Variants in UGT8 observed in about 807,000 individuals in gnomAD.
The protein encoded by UGT8 is UDP glycosyltransferase 8, also known as 2-hydroxyacylsphingosine 1-beta-galactosyltransferase.
In UGT8, 12 loss-of-function variants were observed where a neutral mutation model predicts 40.5. The ratio of observed to expected loss-of-function variants is 0.30; its 90% confidence interval spans 0.19 to 0.48. The LOEUF is 0.48. Ranked by LOEUF, UGT8 falls within the 20% of genes least tolerant of loss-of-function variation. The pLI is 0.99. For missense variants in UGT8, 513 were observed against 648.7 expected (o/e 0.79, Z 2.27); for synonymous variants, 224 against 240.4 (o/e 0.93, Z 0.63).
chr4:114,626,684 G>A (rs1732242548), intron 2 of UGT8, among the ~76,000 whole-genome samples: 1 of 152,198 alleles, frequency 6.6e-6, no homozygotes, highest in South Asian at 2.1e-4. Context: ...CAGATAGTCT[G>A]TGGCAAAGTC....
intron 2 of UGT8, among the ~76,000 whole-genome samples, chr4:114,625,849 C>A (rs112947406): frequency 0.017 from 2,514 of 152,124 alleles, 73 homozygotes; most frequent in African/African-American, 0.057. Context: ...CTTTAATTTG[C>A]CATAATTTCT....
At chr4:114,605,724 A>G (rs1730690117) in intron 1 of UGT8, among the ~76,000 whole-genome samples, 1 of 152,166 alleles carries the variant, frequency 6.6e-6, no homozygotes, top group South Asian at 2.1e-4. Context: ...GTGTGCAAAT[A>G]TGCTATATGT....
rs1370848456 is a variant in UGT8, at chr4:114,623,628, T to C, written c.748T>C (p.Phe250Leu). The part of the protein sequence containing the change: ...WMLCTDVALE[F>L]PRPTLPNVVY... ...GCTGTGTACTGACGTAGCACTGGAA[T>C]TCCCAAGACCCACTCTGCCTAATGT... The change falls in exon 2 of 6, where the codon TTC becomes CTC. Residue 250 changes from phenylalanine to leucine, a missense_variant. By Grantham distance (22) the Phe-to-Leu change is conservative. Transcript: ENST00000310836. 1 of 1,614,098 alleles carries C rather than the reference T, an allele frequency of 6.2e-7. No individual in the cohort carries two copies. Among genetic ancestry groups the C allele is most frequent in the East Asian group, 2.2e-5 (1 of 44,872 alleles).
intron 1 of UGT8, among the ~76,000 whole-genome samples, chr4:114,612,883 AG>A (rs1403255717): frequency 1.3e-5 from 2 of 152,234 alleles, no homozygotes; most frequent in African/African-American, 2.4e-5. Flanking sequence ...TTTAAAATCA[AG>A]GTAAATTCTT....
rs911273345 is a variant in UGT8, at chr4:114,622,174, A to C, written c.-2-705A>C. 7.2e-5 allele frequency among the ~76,000 whole-genome samples: 10 copies of C among 139,692 alleles called. No homozygotes were observed. The South Asian group carries it at 1.4e-3, about 19-fold the overall frequency. 91.6% of individuals were successfully genotyped at this position (139,692 alleles called of 152,430 possible). On this transcript the variant is annotated intron_variant, in intron 1 of 5. Coordinates refer to ENST00000310836, the MANE Select transcript of UGT8 (RefSeq NM_001128174.3). ...CTGTGTCCATGTGTTCCCATTGTTC[A>C]ATTCCCACCTATGAGTGAGAATATG...
In UGT8 at chr4:114,677,291, CT is replaced by C. The variant is rs1339192118; in HGVS notation, c.*1005del. 1 of 152,162 alleles carries C rather than the reference CT, an allele frequency of 6.6e-6. No individual in the cohort carries two copies. Among genetic ancestry groups the C allele is most frequent in the Non-Finnish European group, 1.5e-5 (1 of 68,032 alleles). 9.4% of individuals were successfully genotyped at this position (152,162 alleles called of 1,614,324 possible). The stretch of plus-strand genomic sequence containing the variant: ...CAAAGTTTAACTTTTAAAAAACCAT[CT>C]TCTGATCCCTTTTATTGTCTGGGCC... On this transcript the variant is annotated 3_prime_UTR_variant, in exon 6 of 6. Coordinates refer to ENST00000310836, the MANE Select transcript of UGT8 (RefSeq NM_001128174.3).
intron 2 of UGT8, among the ~76,000 whole-genome samples, chr4:114,639,385 A>G (rs1560688861): frequency 6.6e-6 from 1 of 152,208 alleles, no homozygotes; most frequent in Non-Finnish European, 1.5e-5. Flanking sequence ...AAGAACATTC[A>G]CATTCTCATT....
At chr4:114,650,605 G>C (rs1454580100) in intron 2 of UGT8, among the ~76,000 whole-genome samples, 2 of 152,110 alleles carry the variant, frequency 1.3e-5, no homozygotes, top group African/African-American at 4.8e-5. Context: ...CCAATATCAT[G>C]ACTACGATTT....
At chr4:114,626,197 A>G (rs1207372602) in intron 2 of UGT8, among the ~76,000 whole-genome samples, 2 of 152,202 alleles carry the variant, frequency 1.3e-5, no homozygotes, top group African/African-American at 4.8e-5. Flanking sequence ...GCTTATGAAC[A>G]CATGTTCCCA....
At chr4:114,663,240 G>A (rs901522314) in intron 2 of UGT8, among the ~76,000 whole-genome samples, 15 of 152,256 alleles carry the variant, frequency 9.9e-5, no homozygotes, top group Non-Finnish European at 1.8e-4. Context: ...TCCTGAGCTA[G>A]AGACCTGCAG....
intron 1 of UGT8, among the ~76,000 whole-genome samples, chr4:114,603,491 A>G (rs1392344750): frequency 6.6e-6 from 1 of 152,192 alleles, no homozygotes; most frequent in Non-Finnish European, 1.5e-5. Flanking sequence ...GTAGAGAAAT[A>G]GGAAGCAATA....
rs149253742 is a variant in UGT8, at chr4:114,607,351, A to G, written c.-3+8377A>G. ...GATCCCACTGAAATTACCTTTAAGT[A>G]GTCTTTCTGTAGTCCTCAGTAATCT... On this transcript the variant is annotated intron_variant, in intron 1 of 5. Transcript: ENST00000310836. 1.6e-3 allele frequency among the ~76,000 whole-genome samples: 246 copies of G among 152,272 alleles called. 1 individual carries two copies. The highest frequency in any genetic ancestry group is 2.9e-3 in the Admixed American group (44 of 15,294).
At chr4:114,649,681 G>T (rs547203447) in intron 2 of UGT8, among the ~76,000 whole-genome samples, 6 of 152,030 alleles carry the variant, frequency 3.9e-5, no homozygotes, top group Non-Finnish European at 7.4e-5. Flanking sequence ...CCACACTTAC[G>T]TTCAGCTAAG....
At chr4:114,633,004 CATG>C (rs1447303698) in intron 2 of UGT8, among the ~76,000 whole-genome samples, 1 of 152,102 alleles carries the variant, frequency 6.6e-6, no homozygotes, top group Non-Finnish European at 1.5e-5. Flanking sequence ...ATTTTCAGGC[CATG>C]ATGAGAAACA....
chr4:114,657,370 A>G (rs1734253938), intron 2 of UGT8, among the ~76,000 whole-genome samples: 1 of 152,176 alleles, frequency 6.6e-6, no homozygotes, highest in African/African-American at 2.4e-5. Flanking sequence ...AGTGGAAATG[A>G]ATACACCCTT....
chr4:114,616,172 T>C (rs191718205), intron 1 of UGT8, among the ~76,000 whole-genome samples: 1 of 152,328 alleles, frequency 6.6e-6, no homozygotes, highest in East Asian at 1.9e-4. Context: ...TGCTGCCTTT[T>C]TTGGGGCTAT....
intron 1 of UGT8, among the ~76,000 whole-genome samples, chr4:114,618,077 ATCT>A (rs150846866): frequency 0.028 from 4,223 of 152,062 alleles, 216 homozygotes; most frequent in African/African-American, 0.094. Context: ...TTTATTTCTG[ATCT>A]TCTTAGTGTT....
At chr4:114,662,085 A>G (rs1212739646) in intron 2 of UGT8, among the ~76,000 whole-genome samples, 5 of 152,212 alleles carry the variant, frequency 3.3e-5, no homozygotes, top group Non-Finnish European at 7.3e-5. Context: ...CAAAATTGAT[A>G]TAGTCTCTAT....
chr4:114,625,920 G>T (rs1223894474), intron 2 of UGT8, among the ~76,000 whole-genome samples: 4 of 152,222 alleles, frequency 2.6e-5, no homozygotes, highest in African/African-American at 9.6e-5. Flanking sequence ...ATTTGTAGTG[G>T]TTCTTTTGAA....
Sources: gnomAD v4.1 joint callset for allele counts (sites outside exome capture counted in the v4.1 genomes callset) on GRCh38, gnomAD v4.1.1 for gene constraint, MANE v1.5 for transcripts, NCBI Gene and HGNC (gene_info 2026-07-23, HGNC 2026-07-21) for gene names.